The following MYH10 variants were observed in gnomAD, a reference collection of about 807,000 sequenced individuals.
The protein encoded by MYH10 is myosin heavy chain 10.
Under a neutral mutation model 257.8 loss-of-function variants are expected in MYH10, and 55 were observed. That is an observed-to-expected ratio of 0.21 (90% CI 0.17 to 0.27). The LOEUF is 0.27. Among genes scored for constraint, MYH10 ranks in the 10% least tolerant of loss-of-function variants. The pLI is 1.00. For missense variants in MYH10, 1,631 were observed against 2,500.6 expected (o/e 0.65, Z 7.42); for synonymous variants, 854 against 921.7 (o/e 0.93, Z 1.33).
At chr17:8,532,662 A>G (rs898709912) in intron 16 of MYH10, among the ~76,000 whole-genome samples, 3 of 152,190 alleles carry the variant, frequency 2.0e-5, no homozygotes, top group East Asian at 1.9e-4. Context: ...ATTAAAGAAG[A>G]AAGGAAGGAG....
chr17:8,607,034 A>G lies in MYH10; in HGVS notation c.346-2052T>C, dbSNP rs115909518. ...GACAAAAGGGCAATGAGGAACAATA[A>G]AAATAAAGGCTTTATTAAGGCTGAG... is the stretch of plus-strand genomic sequence containing the variant. On this transcript the variant is annotated intron_variant, in intron 2 of 42. Coordinates refer to ENST00000360416, the MANE Select transcript of MYH10 (RefSeq NM_001256012.3). 3.3e-3 allele frequency among the ~76,000 whole-genome samples: 505 copies of G among 152,332 alleles called. 3 individuals carry two copies. Among genetic ancestry groups the G allele is most frequent in the African/African-American group, 0.012 (481 of 41,572 alleles).
At chr17:8,557,011 T>C (rs1292874658) in intron 7 of MYH10, among the ~76,000 whole-genome samples, 1 of 152,196 alleles carries the variant, frequency 6.6e-6, no homozygotes, top group Non-Finnish European at 1.5e-5. Context: ...CTTCTGCTTA[T>C]GGTGCCAGGC....
intron 2 of MYH10, among the ~76,000 whole-genome samples, chr17:8,615,109 C>G (rs974677045): frequency 2.6e-5 from 4 of 152,066 alleles, no homozygotes; most frequent in Non-Finnish European, 4.4e-5. Flanking sequence ...GACTGGCCAA[C>G]ATGGTGAAAT....
intron 4 of MYH10, among the ~76,000 whole-genome samples, chr17:8,587,677 C>A (rs761893525): frequency 1.1e-4 from 17 of 152,036 alleles, no homozygotes; most frequent in Non-Finnish European, 2.1e-4. Flanking sequence ...CTCCTTCCTG[C>A]CCAAATCCAA....
chr17:8,615,554 A>G (rs1345148033), intron 2 of MYH10, among the ~76,000 whole-genome samples: 1 of 152,216 alleles, frequency 6.6e-6, no homozygotes, highest in East Asian at 1.9e-4. Flanking sequence ...TAAACAAAAT[A>G]CTAGCAAACA....
chr17:8,489,703 GAA>G (rs1555570827), intron 35 of MYH10, among the ~76,000 whole-genome samples: 130 of 5,036 alleles, frequency 0.026, 4 homozygotes, highest in South Asian at 0.053. Flanking sequence ...GACTCCGTCT[GAA>G]AAAACACACA....
Position 8,528,812 on chromosome 17 carries a change from G to A in MYH10, c.1957+1811C>T, listed in dbSNP as rs745949530. Among the ~76,000 whole-genome samples the A allele has an allele frequency of 5.3e-5, 8 of 152,214 alleles. No homozygotes were observed. In the East Asian group the frequency reaches 1.2e-3, roughly 22 times the overall value. ...GGGTGGTGGTCTTGAATCCATAAGCGCATTAAAGAGAAAACGATTTTGCTG... is the reference window on the plus strand; with the variant it reads ...GGGTGGTGGTCTTGAATCCATAAGCACATTAAAGAGAAAACGATTTTGCTG... On this transcript the variant is annotated intron_variant, in intron 17 of 42. Coordinates refer to ENST00000360416, the MANE Select transcript of MYH10 (RefSeq NM_001256012.3).
rs1913104802 is a variant in MYH10, at chr17:8,478,587, A to G, written c.5598-141T>C. 2.7e-5 allele frequency: 19 copies of G among 710,620 alleles called. 1 individual carries two copies. In the South Asian group the frequency reaches 3.1e-4, roughly 11 times the overall value. The allele number at this position is 710,620 out of a possible 1,614,324, so 44.0% of individuals were successfully genotyped here. A position where few individuals can be genotyped will look rare whatever the true frequency, so the allele number is the denominator to read the frequency against. ...ACCTCTCTGTCCAGAATTCATGACTAATGTGCTGAAACCTTTCCTTCTGGT... is the reference window on the plus strand; with the variant it reads ...ACCTCTCTGTCCAGAATTCATGACTGATGTGCTGAAACCTTTCCTTCTGGT... On this transcript the variant is annotated intron_variant, in intron 40 of 42. Transcript: ENST00000360416.
intron 42 of MYH10, 133 bp downstream of exon 42, chr17:8,476,743 A>G (rs970464489): frequency 9.7e-7 from 1 of 1,027,814 alleles, no homozygotes; most frequent in Non-Finnish European, 1.4e-6. Flanking sequence ...GAAATCTTAA[A>G]TGAAGTGGTT....
intron 2 of MYH10, among the ~76,000 whole-genome samples, chr17:8,622,194 CTCTG>C (rs1462645576): frequency 6.6e-6 from 1 of 152,202 alleles, no homozygotes; most frequent in Non-Finnish European, 1.5e-5. Flanking sequence ...TCATTGCCAC[CTCTG>C]TCTACCATTC....
intron 31 of MYH10, among the ~76,000 whole-genome samples, chr17:8,494,439 C>G (rs1916263885): frequency 6.6e-6 from 1 of 152,182 alleles, no homozygotes; most frequent in Non-Finnish European, 1.5e-5. Flanking sequence ...TCGGCCTCCT[C>G]TAGTCTCACT....
At chr17:8,476,781 G>A in intron 42 of MYH10, 95 bp downstream of exon 42, 1 of 1,330,704 alleles carries the variant, frequency 7.5e-7, no homozygotes, top group Non-Finnish European at 1.0e-6. Context: ...CACTGGGTAT[G>A]GATCTAAGTA....
At chr17:8,596,353 A>C (rs1003570124) in intron 3 of MYH10, among the ~76,000 whole-genome samples, 2 of 151,648 alleles carry the variant, frequency 1.3e-5, no homozygotes, top group South Asian at 2.1e-4. Context: ...TGGGGTTTTC[A>C]CCATGTTGGC....
At chr17:8,541,526 C>T (rs970174561) in intron 14 of MYH10, among the ~76,000 whole-genome samples, 1 of 151,986 alleles carries the variant, frequency 6.6e-6, no homozygotes, top group Non-Finnish European at 1.5e-5. Flanking sequence ...GTTATACACT[C>T]GAAGCTTGAA....
At position 8,595,255 on chromosome 17, in the gene MYH10, T is replaced by C. The variant is rs1485338928; in HGVS notation, c.503-6147A>G. 2.0e-5 allele frequency among the ~76,000 whole-genome samples: 3 copies of C among 152,134 alleles called. No homozygotes were observed. The South Asian group carries it at 6.2e-4, about 32-fold the overall frequency. The stretch of plus-strand genomic sequence containing the variant: ...GGCTACAGTAAAGGATAATGGGTGA[T>C]TCATAAGAAACCTAATGATTTTTGG... On this transcript the variant is annotated intron_variant, in intron 3 of 42. Transcript: ENST00000360416.
At chr17:8,585,284 G>GTATA (rs1380120586) in intron 4 of MYH10, among the ~76,000 whole-genome samples, 1 of 6,344 alleles carries the variant, frequency 1.6e-4, no homozygotes. Context: ...GCATGTGTGT[G>GTATA]TGTGTATATA....
In MYH10 at chr17:8,506,419, C is replaced by T. The variant is rs1188964139; in HGVS notation, c.3285G>A (p.Thr1095=). ...CTGCGATCTGGTCCTGCAGGTCGGT[C>T]GTCTCCCCGTCGAGTTTTCTTTTGG... ...EKAKRKLDGE[T]TDLQDQIAEL... is the part of the protein sequence containing the mutation. The change falls in exon 27 of 43, where the codon ACG becomes ACA. Residue 1095 remains threonine (T), a synonymous_variant. Coordinates refer to ENST00000360416, the MANE Select transcript of MYH10 (RefSeq NM_001256012.3). This position sits in a 1 kb window ranked among gnomAD's most constrained non-coding sequence, Gnocchi z 5.0. 5.0e-6 allele frequency: 8 copies of T among 1,612,786 alleles called. No homozygotes were observed. The highest frequency in any genetic ancestry group is 4.5e-5 in the East Asian group (2 of 44,834).
intron 7 of MYH10, among the ~76,000 whole-genome samples, chr17:8,555,573 T>C (rs2082765515): frequency 6.6e-6 from 1 of 152,124 alleles, no homozygotes; most frequent in South Asian, 2.1e-4. Context: ...TTGAAAAATA[T>C]GCAAAATGAA....
chr17:8,489,809 TTAAAG>T (rs1430648576), intron 35 of MYH10, among the ~76,000 whole-genome samples: 1 of 152,054 alleles, frequency 6.6e-6, no homozygotes, highest in Non-Finnish European at 1.5e-5. Context: ...CAATTCATTT[TTAAAG>T]TAAAGTTTTA....
Sources: allele counts gnomAD v4.1 joint callset (sites outside exome capture counted in the v4.1 genomes callset), GRCh38; gene constraint gnomAD v4.1.1; non-coding constraint Gnocchi (gnomAD v3.1); transcripts MANE v1.5; gene names NCBI Gene and HGNC (gene_info 2026-07-23, HGNC 2026-07-21).